OCA2: variants seen among roughly 807,000 people sequenced by gnomAD.
OCA2 encodes P protein.
In OCA2, 77 loss-of-function variants were observed where a neutral mutation model predicts 100.2. That is an observed-to-expected ratio of 0.77 (90% CI 0.64 to 0.93). OCA2 has a LOEUF of 0.93. Among genes scored for constraint, OCA2 ranks in the 40% least tolerant of loss-of-function variants. OCA2 has a pLI of 0.00. For missense variants in OCA2, 1,062 were observed against 1,089.1 expected (o/e 0.98, Z 0.35); for synonymous variants, 432 against 439.2 (o/e 0.98, Z 0.21).
intron 9 of OCA2, among the ~76,000 whole-genome samples, chr15:28,008,609 T>C (rs1566790784): frequency 6.6e-6 from 1 of 152,246 alleles, no homozygotes; most frequent in Non-Finnish European, 1.5e-5. Flanking sequence ...TAAATGACCC[T>C]GTCTCCTTTG....
At chr15:27,803,195 CG>C (rs1555408434) in intron 23 of OCA2, among the ~76,000 whole-genome samples, 2 of 67,254 alleles carry the variant, frequency 3.0e-5, no homozygotes, top group South Asian at 1.0e-3. Flanking sequence ...GTTTAAACCA[CG>C]ACGAGACAAA....
intron 14 of OCA2, among the ~76,000 whole-genome samples, chr15:27,976,578 A>G (rs1030578407): frequency 2.6e-5 from 4 of 152,178 alleles, no homozygotes; most frequent in African/African-American, 9.6e-5. Context: ...CAAATATAAG[A>G]ATCTTCCATT....
intron 19 of OCA2, among the ~76,000 whole-genome samples, chr15:27,904,872 G>A (rs1024200349): frequency 5.9e-5 from 9 of 152,128 alleles, no homozygotes; most frequent in African/African-American, 1.9e-4. Context: ...TTTAGAAATC[G>A]GCAACACGGG....
chr15:27,777,040 G>C (rs1221057967), intron 23 of OCA2, among the ~76,000 whole-genome samples: 1 of 152,020 alleles, frequency 6.6e-6, no homozygotes, highest in African/African-American at 2.4e-5. Flanking sequence ...TTTCTCCAGA[G>C]GGAGCTTTGT....
At chr15:27,877,020 T>A (rs1424074326) in intron 19 of OCA2, among the ~76,000 whole-genome samples, 1 of 152,106 alleles carries the variant, frequency 6.6e-6, no homozygotes, top group Non-Finnish European at 1.5e-5. Context: ...TTGTATTTCA[T>A]CTACAAGTTT....
intron 18 of OCA2, among the ~76,000 whole-genome samples, chr15:27,935,561 G>A (rs986258326): frequency 6.6e-6 from 1 of 152,188 alleles, no homozygotes; most frequent in African/African-American, 2.4e-5. Context: ...GGAAACTGAG[G>A]CTCCCGAAGA....
the OCA2 span, among the ~76,000 whole-genome samples, chr15:27,726,423 T>C: frequency 6.6e-6 from 1 of 152,240 alleles, no homozygotes; most frequent in Non-Finnish European, 1.5e-5. Flanking sequence ...TAAAACTGCA[T>C]GAAAACAGTC....
downstream of OCA2, among the ~76,000 whole-genome samples, chr15:27,754,056 A>T (rs2030171780): frequency 6.6e-6 from 1 of 151,836 alleles, no homozygotes; most frequent in South Asian, 2.1e-4. Context: ...GGCCAGAAGA[A>T]CCCTTCCCTG....
At chr15:27,881,320 T>C (rs1349720403) in intron 19 of OCA2, among the ~76,000 whole-genome samples, 5 of 148,340 alleles carry the variant, frequency 3.4e-5, no homozygotes, top group Non-Finnish European at 7.4e-5. Flanking sequence ...CCTGAAGTTT[T>C]CTTTTTTTGT....
At chr15:28,071,006 A>C (rs2141789369) in intron 2 of OCA2, among the ~76,000 whole-genome samples, 1 of 143,328 alleles carries the variant, frequency 7.0e-6, no homozygotes, top group East Asian at 2.0e-4. Context: ...ATCTCAAGTA[A>C]TCAGGGACAC....
intron 14 of OCA2, among the ~76,000 whole-genome samples, chr15:27,975,310 C>A (rs1196555408): frequency 6.6e-6 from 1 of 152,086 alleles, no homozygotes; most frequent in African/African-American, 2.4e-5. Flanking sequence ...AAGTTGAAAG[C>A]CAAGTTCTAA....
chr15:27,894,865 C>T (rs1166227903), intron 19 of OCA2, among the ~76,000 whole-genome samples: 2 of 152,202 alleles, frequency 1.3e-5, no homozygotes, highest in African/African-American at 4.8e-5. Context: ...TCAGCCTGCA[C>T]CCTACCACAA....
intron 7 of OCA2, among the ~76,000 whole-genome samples, chr15:28,016,502 G>GA (rs2042398059): frequency 6.6e-6 from 1 of 152,236 alleles, no homozygotes; most frequent in African/African-American, 2.4e-5. Flanking sequence ...ATCATGCCCA[G>GA]ACGCGCTGGC....
At chr15:28,094,195 C>A (rs550163653) in intron 1 of OCA2, among the ~76,000 whole-genome samples, 1 of 152,228 alleles carries the variant, frequency 6.6e-6, no homozygotes, top group South Asian at 2.1e-4. Flanking sequence ...CACAGCCTAC[C>A]TCTGGGGGAC....
intron 23 of OCA2, among the ~76,000 whole-genome samples, chr15:27,814,746 T>C (rs1197058789): frequency 1.3e-5 from 2 of 152,060 alleles, no homozygotes; most frequent in Non-Finnish European, 2.9e-5. Context: ...GGTGTGGTGA[T>C]GGCCACCTGT....
chr15:27,990,437 T>G (rs1265044749), intron 10 of OCA2, 139 bp downstream of exon 10: 1 of 836,440 alleles, frequency 1.2e-6, no homozygotes, highest in East Asian at 2.4e-5. Context: ...AGTTCATACC[T>G]CTAGCATGGT....
downstream of OCA2, among the ~76,000 whole-genome samples, chr15:27,750,881 C>G (rs1473799826): frequency 1.3e-5 from 2 of 152,156 alleles, no homozygotes; most frequent in East Asian, 3.9e-4. Flanking sequence ...GAATCTGGAC[C>G]TGGGGAGAAG....
intron 23 of OCA2, among the ~76,000 whole-genome samples, chr15:27,813,072 A>G (rs1237181997): frequency 6.6e-6 from 1 of 152,148 alleles, no homozygotes; most frequent in African/African-American, 2.4e-5. Context: ...AAGGGTCAGG[A>G]GGGGTCACTG....
chr15:28,092,843 G>A (rs959381878), intron 1 of OCA2, among the ~76,000 whole-genome samples: 1 of 152,166 alleles, frequency 6.6e-6, no homozygotes, highest in Non-Finnish European at 1.5e-5. Flanking sequence ...TAGGAATAGA[G>A]AGGAACTTCC....
Sources: gnomAD v4.1 joint callset for allele counts (sites outside exome capture counted in the v4.1 genomes callset) on GRCh38, gnomAD v4.1.1 for gene constraint, MANE v1.5 for transcripts, NCBI Gene and HGNC (gene_info 2026-07-23, HGNC 2026-07-21) for gene names.